The following COG5 variants were observed in gnomAD, a reference collection of about 807,000 sequenced individuals.
COG5 encodes conserved oligomeric Golgi complex subunit 5.
COG5 carries 86 observed loss-of-function variants against 110.4 expected under a neutral mutation model. The ratio of observed to expected loss-of-function variants is 0.78; its 90% CI spans 0.65 to 0.93. The LOEUF is 0.93. Ranked by LOEUF, COG5 falls within the 40% of genes least tolerant of loss-of-function variation. The pLI is 0.00. For missense variants in COG5, 1,077 were observed against 987.0 expected, an observed-to-expected ratio of 1.09 and a Z score of -1.22; for synonymous variants, 360 against 334.6, an observed-to-expected ratio of 1.08 and a Z score of -0.83.
intron 6 of COG5, among the ~76,000 whole-genome samples, chr7:107,477,148 C>T (rs189041638): frequency 6.6e-6 from 1 of 151,558 alleles, no homozygotes; most frequent in Non-Finnish European, 1.5e-5. Flanking sequence ...AGAAAATTTT[C>T]GTTTAGTAAA....
At chr7:107,467,869 G>A (rs1796395514) in intron 6 of COG5, among the ~76,000 whole-genome samples, 2 of 152,136 alleles carry the variant, frequency 1.3e-5, no homozygotes, top group Admixed American at 1.3e-4. Context: ...TATCCTTGGA[G>A]ACAAGTTACT....
intron 6 of COG5, chr7:107,473,985 G>A (rs1393931815): frequency 7.0e-6 from 5 of 712,016 alleles, no homozygotes; most frequent in East Asian, 2.7e-5. Flanking sequence ...CACGTTATAC[G>A]TCATTTAAAT....
chr7:107,285,779 T>A (rs1446929157), intron 12 of COG5, among the ~76,000 whole-genome samples: 1 of 151,268 alleles, frequency 6.6e-6, no homozygotes, highest in Non-Finnish European at 1.5e-5. Flanking sequence ...TGAGAGAGAA[T>A]TGCTTGAACC....
At chr7:107,513,583 A>G (rs1196469386) in intron 6 of COG5, among the ~76,000 whole-genome samples, 1 of 152,212 alleles carries the variant, frequency 6.6e-6, no homozygotes, top group Non-Finnish European at 1.5e-5. Flanking sequence ...ACACTGCTAT[A>G]AAGACACATG....
chr7:107,531,504 T>C (rs1033088048), intron 5 of COG5, among the ~76,000 whole-genome samples: 1 of 152,160 alleles, frequency 6.6e-6, no homozygotes, highest in Non-Finnish European at 1.5e-5. Context: ...CTTTACCTCA[T>C]TGACTATTTG....
chr7:107,271,673 A>T (rs530354441), intron 14 of COG5, among the ~76,000 whole-genome samples: 17 of 152,174 alleles, frequency 1.1e-4, no homozygotes, highest in Admixed American at 3.9e-4. Flanking sequence ...ACTAAAAATC[A>T]TAATTCTAGA....
At position 107,219,777 on chromosome 7, in the gene COG5, T is replaced by C. The variant is rs190824347; in HGVS notation, c.2169-8552A>G. Among the ~76,000 whole-genome samples the C allele has an allele frequency of 2.0e-3, 306 of 152,264 alleles. 2 individuals are homozygous for C. The highest frequency in any genetic ancestry group is 6.9e-3 in the African/African-American group (288 of 41,534). Reference sequence around the variant, plus strand: ...AATCTATTGCACAACATGACGACTATAGTTGGTAGGAATGCATAGTACATT... The same window carrying C: ...AATCTATTGCACAACATGACGACTACAGTTGGTAGGAATGCATAGTACATT... On this transcript the variant is annotated intron_variant, in intron 19 of 21. Coordinates refer to ENST00000297135, the MANE Select transcript of COG5 (RefSeq NM_006348.5).
intron 21 of COG5, chr7:107,210,209 C>T (rs867207161): frequency 2.7e-5 from 32 of 1,191,600 alleles, no homozygotes; most frequent in South Asian, 1.7e-4. Flanking sequence ...GTAAAAGATG[C>T]GGAGCTAGGG....
At chr7:107,341,722 C>T (rs1811184797) in intron 10 of COG5, among the ~76,000 whole-genome samples, 1 of 152,068 alleles carries the variant, frequency 6.6e-6, no homozygotes, top group Non-Finnish European at 1.5e-5. Context: ...TAAAGCCTCA[C>T]ACCTACAGCC....
rs960216716 is a variant in COG5 at position 107,474,036 on chromosome 7, G to A, written c.538+53201C>T. ...AGTTTATTCTATTTCACTTTCTAGG[G>A]AAAAAAACCAACTGCTCCAAAAGAA... On this transcript the variant is annotated intron_variant, in intron 6 of 21. Coordinates refer to ENST00000297135, the MANE Select transcript of COG5 (RefSeq NM_006348.5). The surrounding 1 kb of genome is among the most constrained non-coding windows in gnomAD (Gnocchi z 5.7). 7.6e-7 allele frequency: 1 copy of A among 1,324,148 alleles called. No homozygotes were observed. Among genetic ancestry groups the A allele is most frequent in the African/African-American group, 1.5e-5 (1 of 68,078 alleles). 82.0% of individuals were successfully genotyped at this position (1,324,148 alleles called of 1,614,324 possible).
intron 7 of COG5, among the ~76,000 whole-genome samples, chr7:107,387,137 T>G (rs1295439813): frequency 6.6e-6 from 1 of 152,080 alleles, no homozygotes; most frequent in East Asian, 1.9e-4. Context: ...TTAACACTTA[T>G]AAAAAGATAA....
intron 6 of COG5, among the ~76,000 whole-genome samples, chr7:107,463,298 TG>T (rs1796111148): frequency 6.6e-6 from 1 of 152,216 alleles, no homozygotes; most frequent in Admixed American, 6.5e-5. Context: ...GAGATGCACT[TG>T]GTAGCTGGGT....
intron 17 of COG5, among the ~76,000 whole-genome samples, chr7:107,239,414 A>C (rs1801446990): frequency 6.6e-6 from 1 of 152,198 alleles, no homozygotes; most frequent in Non-Finnish European, 1.5e-5. Context: ...ATTTTTGCTC[A>C]AGATTGCCTT....
chr7:107,206,736 A>G (rs1423016281), intron 21 of COG5, among the ~76,000 whole-genome samples: 1 of 146,632 alleles, frequency 6.8e-6, no homozygotes, highest in Non-Finnish European at 1.5e-5. Context: ...CAACATGTAG[A>G]AGAGATCAGA....
chr7:107,233,091 T>C (rs796344328), intron 18 of COG5, among the ~76,000 whole-genome samples: 6 of 152,348 alleles, frequency 3.9e-5, no homozygotes, highest in African/African-American at 1.4e-4. Context: ...TATAAATGTA[T>C]GCTTAAAGGG....
chr7:107,330,439 C>G (rs962475646), intron 10 of COG5, among the ~76,000 whole-genome samples: 5 of 152,144 alleles, frequency 3.3e-5, no homozygotes, highest in African/African-American at 1.2e-4. Context: ...TTGATTTCAA[C>G]ATAATTAAAT....
intron 7 of COG5, among the ~76,000 whole-genome samples, chr7:107,387,027 C>T (rs145339199): frequency 1.7e-3 from 255 of 152,258 alleles, no homozygotes; most frequent in African/African-American, 5.6e-3. Context: ...CAAGAGATAA[C>T]GCTGCAGCTA....
intron 12 of COG5, among the ~76,000 whole-genome samples, chr7:107,286,811 C>T (rs1264917619): frequency 6.6e-6 from 1 of 151,908 alleles, no homozygotes; most frequent in Admixed American, 6.6e-5. Flanking sequence ...TAAAAAATTC[C>T]CAGAATAATT....
chr7:107,558,683 AAGACCAT>A (rs1241162998), intron 1 of COG5, among the ~76,000 whole-genome samples: 4 of 151,716 alleles, frequency 2.6e-5, no homozygotes, highest in African/African-American at 9.7e-5. Flanking sequence ...TCAGGAGATC[AAGACCAT>A]CCTGGCTAGC....
Sources: gnomAD v4.1 joint callset for allele counts (sites outside exome capture counted in the v4.1 genomes callset) on GRCh38, gnomAD v4.1.1 for gene constraint, Gnocchi (gnomAD v3.1) non-coding constraint, MANE v1.5 for transcripts, NCBI Gene and HGNC (gene_info 2026-07-23, HGNC 2026-07-21) for gene names.